Variants in TTC23L observed in about 807,000 individuals in gnomAD.
TTC23L encodes the protein tetratricopeptide repeat domain 23 like.
Under a neutral mutation model 48.1 loss-of-function variants are expected in TTC23L, and 42 were observed. The observed-to-expected ratio is 0.87, with a 90% confidence interval of 0.68 to 1.13. The LOEUF (loss-of-function observed/expected upper bound fraction) is 1.13, where lower values mean the gene tolerates loss of function less well. Among genes scored for constraint, TTC23L ranks in the 50% most tolerant of loss-of-function variants. The pLI is 0.00. For synonymous variants in TTC23L, 159 were observed against 157.2 expected, an observed-to-expected ratio of 1.01 and a Z score of -0.09; for missense variants, 391 against 421.0, an observed-to-expected ratio of 0.93 and a Z score of 0.62.
the TTC23L span, chr5:34,918,500 A>C: frequency 7.6e-7 from 1 of 1,319,998 alleles, no homozygotes; most frequent in South Asian, 1.4e-5. Context: ...TATACTTTAG[A>C]AATTTCTATC....
At chr5:34,915,442 G>A in the TTC23L span, 2 of 334,644 alleles carry the variant, frequency 6.0e-6, no homozygotes, top group Admixed American at 4.6e-5. Context: ...GGACGCCCGA[G>A]AGCCCTTCTC....
intron 9 of TTC23L, among the ~76,000 whole-genome samples, chr5:34,885,921 C>T (rs767269860): frequency 2.6e-5 from 4 of 151,608 alleles, no homozygotes; most frequent in Non-Finnish European, 5.9e-5. Flanking sequence ...TGAATCTAGG[C>T]GAAAATTGTA....
At chr5:34,861,257 C>T (rs62356974) in intron 4 of TTC23L, 42 of 153,946 alleles carry the variant, frequency 2.7e-4, no homozygotes, top group Non-Finnish European at 4.3e-4. Context: ...TGAGCCACCA[C>T]GCCCAGCCAG....
intron 8 of TTC23L, among the ~76,000 whole-genome samples, chr5:34,870,014 CAAG>C (rs1761345110): frequency 6.6e-6 from 1 of 151,870 alleles, no homozygotes; most frequent in African/African-American, 2.4e-5. Flanking sequence ...TTTGTGGTTA[CAAG>C]AAATTTAGTC....
the TTC23L span, chr5:34,911,630 G>C: frequency 6.2e-6 from 10 of 1,613,942 alleles, no homozygotes; most frequent in Non-Finnish European, 8.5e-6. Context: ...AATGCTTCAC[G>C]GAGCCCCTCT....
At chr5:34,882,852 C>T (rs903791573) in intron 9 of TTC23L, among the ~76,000 whole-genome samples, 11 of 152,028 alleles carry the variant, frequency 7.2e-5, no homozygotes, top group African/African-American at 2.2e-4. Flanking sequence ...CCAGCCTGGG[C>T]AACAAAGTGA....
At chr5:34,857,875 C>G (rs1760255842) in intron 4 of TTC23L, among the ~76,000 whole-genome samples, 1 of 152,088 alleles carries the variant, frequency 6.6e-6, no homozygotes. Flanking sequence ...GCTCTAGACC[C>G]TGCTCTTTTA....
chr5:34,888,291 C>A (rs937138863), intron 9 of TTC23L, among the ~76,000 whole-genome samples: 26 of 152,190 alleles, frequency 1.7e-4, no homozygotes, highest in Non-Finnish European at 2.5e-4. Context: ...GTAGGGGCTA[C>A]ATCTTTGTTA....
At chr5:34,901,119 A>T (rs960715266), downstream of TTC23L, among the ~76,000 whole-genome samples, 1 of 152,224 alleles carries the variant, frequency 6.6e-6, no homozygotes, top group African/African-American at 2.4e-5. Context: ...CAAATGATAA[A>T]ATAGACTAGT....
chr5:34,839,344 G>C (rs1758388114), intron 1 of TTC23L, 85 bp downstream of exon 1: 1 of 152,776 alleles, frequency 6.5e-6, no homozygotes, highest in Admixed American at 6.5e-5. Flanking sequence ...CCGGGGCGTG[G>C]TTTCTCCGCC....
chr5:34,912,748 C>T, the TTC23L span, among the ~76,000 whole-genome samples: 2 of 151,908 alleles, frequency 1.3e-5, no homozygotes, highest in African/African-American at 4.8e-5. Context: ...GCCTGTAATC[C>T]CAGAACTTAG....
At chr5:34,900,499 C>CAA (rs766643483), downstream of TTC23L, among the ~76,000 whole-genome samples, 1 of 116,108 alleles carries the variant, frequency 8.6e-6, no homozygotes. Flanking sequence ...AGACCCTGTT[C>CAA]AAAAAAAAAA....
chr5:34,848,643 A>C (rs1385746733), intron 3 of TTC23L, among the ~76,000 whole-genome samples: 1 of 152,200 alleles, frequency 6.6e-6, no homozygotes, highest in Non-Finnish European at 1.5e-5. Flanking sequence ...AGTGAAAATG[A>C]AATGAGAAAG....
chr5:34,900,930 A>G (rs571580484), downstream of TTC23L, among the ~76,000 whole-genome samples: 1 of 152,372 alleles, frequency 6.6e-6, no homozygotes, highest in South Asian at 2.1e-4. Flanking sequence ...GGAGGCAGCT[A>G]CAAAATGATT....
At chr5:34,919,703 GA>G in the TTC23L span, 1 of 360,234 alleles carries the variant, frequency 2.8e-6, no homozygotes, top group Non-Finnish European at 5.2e-6. Flanking sequence ...CTCTTGTTTT[GA>G]AAATTAGTAA....
chr5:34,890,271 G>A (rs1302147165), intron 9 of TTC23L, among the ~76,000 whole-genome samples: 4 of 151,244 alleles, frequency 2.6e-5, no homozygotes, highest in Admixed American at 6.6e-5. Flanking sequence ...ATGGTGAAGC[G>A]CCATCGCTAC....
In TTC23L at chr5:34,863,031, C is replaced by A. The variant is rs776878152; in HGVS notation, c.513C>A (p.Gly171=). 24 of 1,613,950 alleles carry A rather than the reference C, an allele frequency of 1.5e-5. No individual in the cohort carries two copies. The highest frequency in any genetic ancestry group is 1.1e-4 in the African/African-American group (8 of 75,038). Residue 171 remains glycine (G), a synonymous_variant, in exon 5 of 11, where the codon GGC becomes GGA. Coordinates refer to ENST00000505624, the Ensembl canonical transcript of TTC23L. This position sits in a 1 kb window ranked among gnomAD's most constrained non-coding sequence, Gnocchi z 4.1. Reference sequence around the variant, plus strand: ...TGGTCAAGCTGTACTACACTCTGGGCGTGGCCTGGCTCCTGCAGAACCGAT... The same window carrying A: ...TGGTCAAGCTGTACTACACTCTGGGAGTGGCCTGGCTCCTGCAGAACCGAT...
chr5:34,918,201 C>T, the TTC23L span: 1 of 443,916 alleles, frequency 2.3e-6, no homozygotes, highest in Non-Finnish European at 4.1e-6. Context: ...TCTCCAGCTA[C>T]TGTAGATGCT....
At chr5:34,891,054 C>T (rs762725358) in intron 9 of TTC23L, among the ~76,000 whole-genome samples, 2 of 152,084 alleles carry the variant, frequency 1.3e-5, no homozygotes, top group Non-Finnish European at 2.9e-5. Context: ...ATAAATAATA[C>T]AAGACTTAGA....
Sources: gnomAD v4.1 joint callset for allele counts (sites outside exome capture counted in the v4.1 genomes callset) on GRCh38, gnomAD v4.1.1 for gene constraint, Gnocchi (gnomAD v3.1) non-coding constraint, MANE v1.5 for transcripts, NCBI Gene and HGNC (gene_info 2026-07-23, HGNC 2026-07-21) for gene names.